Variants in PREX1 observed in about 807,000 individuals in gnomAD.
PREX1 encodes phosphatidylinositol-3,4,5-trisphosphate dependent Rac exchange factor 1, also known as phosphatidylinositol 3,4,5-trisphosphate-dependent Rac exchanger 1 protein.
A neutral mutation model predicts 198.3 loss-of-function variants in PREX1; 41 were observed. The observed-to-expected ratio is 0.21, with a 90% confidence interval of 0.16 to 0.27. The LOEUF is 0.27. Ranked by LOEUF, PREX1 falls within the 10% of genes least tolerant of loss-of-function variation. The probability of loss-of-function intolerance (pLI) is 1.00; values close to 1 mark genes in which losing one functional copy is unlikely to be tolerated. For missense variants in PREX1, 1,620 were observed against 2,200.7 expected (o/e 0.74, Z 5.28); for synonymous variants, 843 against 887.2 (o/e 0.95, Z 0.89).
chr20:48,681,334 C>T lies in PREX1; in HGVS notation c.1336G>A (p.Glu446Lys). 6.2e-7 allele frequency: 1 copy of T among 1,614,148 alleles called. No individual in the cohort carries two copies. Among genetic ancestry groups the T allele is most frequent in the Non-Finnish European group, 8.5e-7 (1 of 1,179,978 alleles). The stretch of plus-strand genomic sequence containing the variant: ...ATTTCTAGGAGCCAGGCAACGAACT[C>T]ACTGCCAGGAACACAATATGTGGTT... ...STVPKCFLGN[E>K]FVAWLLEIGE... is the part of the protein sequence containing the mutation. The change falls in exon 11 of 40, where the codon GAG (glutamate) becomes AAG (lysine). Residue 446 changes from glutamate to lysine, a missense_variant and splice_region_variant. Transcript: ENST00000371941.
At chr20:48,657,883 C>T (rs1003832106) in intron 17 of PREX1, among the ~76,000 whole-genome samples, 2 of 152,256 alleles carry the variant, frequency 1.3e-5, no homozygotes, top group African/African-American at 4.8e-5. Flanking sequence ...CTGTACCTCC[C>T]CACAATGTCC....
rs1475381568 is a variant in PREX1, at chr20:48,660,018, G to A, written c.1782C>T (p.Arg594=). ...SEFRDESQYF[R]FHADEEMEGT... ...CCTCCATCTCCTCGTCAGCATGAAA[G>A]CGGAAGTACTGGGACTCATCCCTGA... Residue 594 remains arginine, a synonymous_variant, in exon 16 of 40, where the codon CGC becomes CGT. Coordinates refer to ENST00000371941, the MANE Select transcript of PREX1 (RefSeq NM_020820.4). 1 of 1,614,208 alleles carries A rather than the reference G, an allele frequency of 6.2e-7. No homozygotes were observed. The highest frequency in any genetic ancestry group is 1.3e-5 in the African/African-American group (1 of 75,052).
intron 1 of PREX1, among the ~76,000 whole-genome samples, chr20:48,789,440 C>T (rs1268607725): frequency 4.5e-5 from 4 of 89,746 alleles, no homozygotes; most frequent in South Asian, 3.5e-4. Context: ...GCTCTAAGCA[C>T]GTTCATATGG....
At chr20:48,647,243 C>T (rs964932468) in intron 25 of PREX1, among the ~76,000 whole-genome samples, 2 of 152,052 alleles carry the variant, frequency 1.3e-5, no homozygotes, top group African/African-American at 4.8e-5. Flanking sequence ...AGTGTCTCTG[C>T]TAGGCGTGGT....
chr20:48,653,643 C>T (rs1601047692), intron 19 of PREX1, 146 bp from the exon 20 acceptor site: 1 of 961,790 alleles, frequency 1.0e-6, no homozygotes, highest in East Asian at 2.5e-5. Context: ...CGCCCTCTGA[C>T]ACTCCAGTGC....
At position 48,636,453 on chromosome 20, in the gene PREX1, A is replaced by T; in HGVS notation, c.4167+10T>A. The T allele has an allele frequency of 1.3e-6, 2 of 1,595,412 alleles. No homozygotes were observed. The highest frequency in any genetic ancestry group is 1.7e-6 in the Non-Finnish European group (2 of 1,172,876). On this transcript the variant is annotated intron_variant, in intron 32 of 39. Transcript: ENST00000371941. Reference sequence around the variant, plus strand: ...GCCAGCGGGGCCGCCCTCCCGCCCCACTCACTCACCACTGTGGCTGGCGAG... The same window carrying T: ...GCCAGCGGGGCCGCCCTCCCGCCCCTCTCACTCACCACTGTGGCTGGCGAG...
chr20:48,882,853 A>G, the PREX1 span, among the ~76,000 whole-genome samples: 1 of 151,484 alleles, frequency 6.6e-6, no homozygotes, highest in African/African-American at 2.4e-5. Context: ...ATCTTTTCAT[A>G]AGCTTATTGG....
chr20:48,708,809 G>T (rs2089916152), intron 5 of PREX1, among the ~76,000 whole-genome samples: 1 of 152,188 alleles, frequency 6.6e-6, no homozygotes, highest in Non-Finnish European at 1.5e-5. Context: ...TGTCTGGTAT[G>T]TAATGAGGAA....
chr20:48,877,880 G>A, the PREX1 span, among the ~76,000 whole-genome samples: 24 of 152,182 alleles, frequency 1.6e-4, no homozygotes, highest in South Asian at 2.3e-3. Context: ...AGGCTGAGGC[G>A]GGCGGATCAC....
intron 1 of PREX1, among the ~76,000 whole-genome samples, chr20:48,758,645 C>T (rs1890547139): frequency 6.6e-6 from 1 of 152,202 alleles, no homozygotes; most frequent in Non-Finnish European, 1.5e-5. Context: ...GAGGAGGTGG[C>T]TGCGGAACCA....
chr20:48,834,693 G>C, the PREX1 span, among the ~76,000 whole-genome samples: 1 of 152,174 alleles, frequency 6.6e-6, no homozygotes, highest in East Asian at 1.9e-4. Flanking sequence ...CTAAGTAGCT[G>C]GGACCCCAGG....
intron 6 of PREX1, among the ~76,000 whole-genome samples, chr20:48,707,774 T>C (rs1461256326): frequency 6.6e-6 from 1 of 152,106 alleles, no homozygotes; most frequent in East Asian, 1.9e-4. Flanking sequence ...ACAGCTACCA[T>C]TTATTGAGTA....
chr20:48,824,661 T>G (rs1047016370), intron 1 of PREX1, among the ~76,000 whole-genome samples: 2 of 152,206 alleles, frequency 1.3e-5, no homozygotes, highest in Non-Finnish European at 2.9e-5. Context: ...TTAACATCCC[T>G]CTTTTTACAA....
chr20:48,840,357 A>C, the PREX1 span, among the ~76,000 whole-genome samples: 1 of 151,214 alleles, frequency 6.6e-6, no homozygotes, highest in Non-Finnish European at 1.5e-5. Context: ...AAAAAAAAGA[A>C]AAAAAAAAGC....
chr20:48,708,158 T>C, intron 6 of PREX1, 102 bp downstream of exon 6: 2 of 1,290,316 alleles, frequency 1.6e-6, no homozygotes, highest in Non-Finnish European at 1.1e-6. Context: ...CCAAACAAAA[T>C]ACATTGCAGA....
At chr20:48,884,390 G>T in the PREX1 span, among the ~76,000 whole-genome samples, 1 of 152,200 alleles carries the variant, frequency 6.6e-6, no homozygotes, top group Non-Finnish European at 1.5e-5. Context: ...TACATTTATA[G>T]TCAGTTGACT....
chr20:48,704,136 C>T (rs759355431), intron 6 of PREX1, among the ~76,000 whole-genome samples: 1 of 152,176 alleles, frequency 6.6e-6, no homozygotes, highest in Non-Finnish European at 1.5e-5. Flanking sequence ...ATGAGGAGAC[C>T]GAGGCACAGC....
Position 48,684,751 on chromosome 20 carries a change from C to A in PREX1, c.1335-3416G>T, listed in dbSNP as rs2089774487. Among the ~76,000 whole-genome samples, 1 of 152,192 alleles carries A rather than the reference C, an allele frequency of 6.6e-6. No homozygotes were observed. The highest frequency in any genetic ancestry group is 1.5e-5 in the Non-Finnish European group (1 of 68,038). ...GGAAATGTGAGCTGCCTGCCAAGGC[C>A]CTGCCTGAGGTGACCCACTTTAACT... On this transcript the variant is annotated intron_variant, in intron 10 of 39. Coordinates refer to ENST00000371941, the MANE Select transcript of PREX1 (RefSeq NM_020820.4). The surrounding 1 kb of genome is among the most constrained non-coding windows in gnomAD (Gnocchi z 4.2).
chr20:48,658,300 C>G lies in PREX1; in HGVS notation c.1882-72G>C, dbSNP rs566354073. 2.7e-6 allele frequency: 4 copies of G among 1,481,774 alleles called. No individual in the cohort carries two copies. In the African/African-American group the frequency reaches 5.6e-5, roughly 21 times the overall value. The allele number at this position is 1,481,774 out of a possible 1,614,324, so 91.8% of individuals were successfully genotyped here. A position where few individuals can be genotyped will look rare whatever the true frequency, so the allele number is the denominator to read the frequency against. On this transcript the variant is annotated intron_variant, in intron 16 of 39. Transcript: ENST00000371941. ...CTACGGCCAGCCCCACCGTGGCCCCCACAGGACCATGACCTCGTCCCAGGT... is the reference window on the plus strand; with the variant it reads ...CTACGGCCAGCCCCACCGTGGCCCCGACAGGACCATGACCTCGTCCCAGGT...
Sources: gnomAD v4.1 joint callset for allele counts (sites outside exome capture counted in the v4.1 genomes callset) on GRCh38, gnomAD v4.1.1 for gene constraint, Gnocchi (gnomAD v3.1) non-coding constraint, MANE v1.5 for transcripts, NCBI Gene and HGNC (gene_info 2026-07-23, HGNC 2026-07-21) for gene names.